CUX2: variants seen among roughly 807,000 people sequenced by gnomAD.
CUX2 encodes cut like homeobox 2, also known as homeobox protein cut-like 2.
CUX2 carries 40 observed loss-of-function variants against 144.8 expected under a neutral mutation model. The observed-to-expected ratio is 0.28, with a 90% confidence interval of 0.21 to 0.36. CUX2 has a LOEUF of 0.36. CUX2 is among the 10% of genes least tolerant of loss of function. The probability of loss-of-function intolerance (pLI) is 1.00; values close to 1 mark genes in which losing one functional copy is unlikely to be tolerated. For missense variants in CUX2, 1,615 were observed against 1,994.0 expected (o/e 0.81, Z 3.62); for synonymous variants, 827 against 875.6 (o/e 0.94, Z 0.98).
chr12:111,262,833 C>T (rs1884191969), intron 3 of CUX2, among the ~76,000 whole-genome samples: 1 of 152,178 alleles, frequency 6.6e-6, no homozygotes, highest in East Asian at 1.9e-4. Flanking sequence ...AAGAAATATT[C>T]TCTAGACGTG....
At chr12:111,142,508 C>A in intron 1 of CUX2, among the ~76,000 whole-genome samples, 1 of 143,342 alleles carries the variant, frequency 7.0e-6, no homozygotes, top group African/African-American at 2.6e-5. Context: ...GGACCATGGC[C>A]AGACTGATTT....
chr12:111,083,164 G>A (rs1260819554), intron 1 of CUX2, among the ~76,000 whole-genome samples: 1 of 152,068 alleles, frequency 6.6e-6, no homozygotes, highest in Non-Finnish European at 1.5e-5. Flanking sequence ...GGTCACGAGC[G>A]ACCTCAGCCA....
chr12:111,269,408 T>C (rs1884534166), intron 4 of CUX2, among the ~76,000 whole-genome samples: 1 of 152,158 alleles, frequency 6.6e-6, no homozygotes, highest in African/African-American at 2.4e-5. Context: ...TCAGATAGCA[T>C]TTATTGAGTG....
At chr12:111,129,964 C>G (rs1875359695) in intron 1 of CUX2, among the ~76,000 whole-genome samples, 1 of 152,062 alleles carries the variant, frequency 6.6e-6, no homozygotes, top group African/African-American at 2.4e-5. Flanking sequence ...CTCTATAAGC[C>G]CCTACTCTGA....
At chr12:111,313,027 A>G (rs1029191659) in intron 16 of CUX2, among the ~76,000 whole-genome samples, 11 of 152,062 alleles carry the variant, frequency 7.2e-5, no homozygotes, top group Non-Finnish European at 1.5e-4. Flanking sequence ...TTTATTGGCT[A>G]TGTGACCTTG....
chr12:111,287,869 A>G lies in CUX2; in HGVS notation c.302-3549A>G, dbSNP rs1470584160. 6.6e-6 allele frequency among the ~76,000 whole-genome samples: 1 copy of G among 152,208 alleles called. No homozygotes were observed. The highest frequency in any genetic ancestry group is 2.4e-5 in the African/African-American group (1 of 41,450). ...CAGGCATTGCCCCGTTTCTTCCATCAGCAGATCTTTGTTGGGTTGGACTGT... is the reference window on the plus strand; with the variant it reads ...CAGGCATTGCCCCGTTTCTTCCATCGGCAGATCTTTGTTGGGTTGGACTGT... On this transcript the variant is annotated intron_variant, in intron 4 of 21. Transcript: ENST00000261726. The surrounding 1 kb of genome is among the most constrained non-coding windows in gnomAD (Gnocchi z 4.2).
At chr12:111,306,857 G>A (rs2136363827) in intron 10 of CUX2, 64 bp from the exon 11 acceptor site, 6 of 1,381,114 alleles carry the variant, frequency 4.3e-6, no homozygotes, top group Non-Finnish European at 5.9e-6. Context: ...CAGGGGTGGG[G>A]AGGCCAGACC....
intron 14 of CUX2, among the ~76,000 whole-genome samples, chr12:111,309,290 G>C (rs575188838): frequency 1.3e-5 from 2 of 152,298 alleles, no homozygotes; most frequent in African/African-American, 4.8e-5. Context: ...GTGACCTTGG[G>C]GCCCACTTCA....
At chr12:111,286,746 G>A (rs1443010542) in intron 4 of CUX2, among the ~76,000 whole-genome samples, 2 of 152,130 alleles carry the variant, frequency 1.3e-5, no homozygotes, top group African/African-American at 2.4e-5. Context: ...GGTGGTAGCT[G>A]TAGTCCCAGC....
chr12:111,209,264 G>A (rs369974939), intron 1 of CUX2, among the ~76,000 whole-genome samples: 194 of 152,304 alleles, frequency 1.3e-3, no homozygotes, highest in African/African-American at 4.1e-3. Flanking sequence ...TGGCGTGGTA[G>A]CACATGCCTG....
At chr12:111,318,599 T>TAA (rs1320526925) in intron 16 of CUX2, among the ~76,000 whole-genome samples, 1 of 147,304 alleles carries the variant, frequency 6.8e-6, no homozygotes, top group Non-Finnish European at 1.5e-5. Flanking sequence ...TCTCTTTTTT[T>TAA]AAAAAAAAAA....
intron 3 of CUX2, among the ~76,000 whole-genome samples, chr12:111,259,945 C>A (rs1002809985): frequency 6.8e-6 from 1 of 147,094 alleles, no homozygotes; most frequent in East Asian, 2.0e-4. Context: ...GTGGATTGCC[C>A]GAGCTCAGGA....
At chr12:111,111,241 G>A (rs1873933468) in intron 1 of CUX2, among the ~76,000 whole-genome samples, 1 of 152,128 alleles carries the variant, frequency 6.6e-6, no homozygotes, top group Non-Finnish European at 1.5e-5. Flanking sequence ...GGCGGAGGTT[G>A]CAGTGAGCCG....
At chr12:111,244,590 G>A (rs1468294331) in intron 3 of CUX2, among the ~76,000 whole-genome samples, 1 of 152,214 alleles carries the variant, frequency 6.6e-6, no homozygotes, top group Non-Finnish European at 1.5e-5. Flanking sequence ...TGTATGAGCA[G>A]TTGGATCTAG....
At chr12:111,181,950 T>C (rs979871348) in intron 1 of CUX2, among the ~76,000 whole-genome samples, 21 of 152,198 alleles carry the variant, frequency 1.4e-4, no homozygotes, top group African/African-American at 4.8e-4. Context: ...AGAGAAATCC[T>C]TGTAATTCAT....
intron 1 of CUX2, among the ~76,000 whole-genome samples, chr12:111,085,382 A>G (rs1872149648): frequency 1.3e-5 from 2 of 152,240 alleles, no homozygotes. Context: ...TGAGCAGGTC[A>G]TGCGGAGATC....
rs182870259 is a variant in CUX2 at position 111,259,507 on chromosome 12, C to A, written c.223-4254C>A. 1.8e-3 allele frequency among the ~76,000 whole-genome samples: 276 copies of A among 152,264 alleles called. 1 individual carries two copies. The highest frequency in any genetic ancestry group is 1.6e-3 in the Non-Finnish European group (108 of 68,026). On this transcript the variant is annotated intron_variant, in intron 3 of 21. Coordinates refer to ENST00000261726, the MANE Select transcript of CUX2 (RefSeq NM_015267.4). ...CATTGATCCATGAGATCAACAGTGT[C>A]CAGCAGGAAAAGAACACAAGCCACA...
chr12:111,108,732 C>T (rs1471087740), intron 1 of CUX2, among the ~76,000 whole-genome samples: 1 of 141,744 alleles, frequency 7.1e-6, no homozygotes, highest in Non-Finnish European at 1.5e-5. Flanking sequence ...GCCCCACTCT[C>T]CTCTCCTTCA....
intron 1 of CUX2, among the ~76,000 whole-genome samples, chr12:111,197,631 G>C (rs1234700352): frequency 6.6e-6 from 1 of 152,132 alleles, no homozygotes; most frequent in African/African-American, 2.4e-5. Flanking sequence ...TGCCAGTGGC[G>C]GCCTGTCTTG....
Sources: gnomAD v4.1 joint callset for allele counts (sites outside exome capture counted in the v4.1 genomes callset) on GRCh38, gnomAD v4.1.1 for gene constraint, Gnocchi (gnomAD v3.1) non-coding constraint, MANE v1.5 for transcripts, NCBI Gene and HGNC (gene_info 2026-07-23, HGNC 2026-07-21) for gene names.